Variants in STK3 observed in about 807,000 individuals in gnomAD.
The protein encoded by STK3 is serine/threonine-protein kinase 3.
STK3 carries 41 observed loss-of-function variants against 58.0 expected under a neutral mutation model. The observed-to-expected ratio is 0.71, with a 90% CI of 0.55 to 0.92. The LOEUF is 0.92. STK3 is among the 40% of genes least tolerant of loss of function. The probability of loss-of-function intolerance (pLI) is 0.00; values close to 1 mark genes in which losing one functional copy is unlikely to be tolerated. For synonymous variants in STK3, 170 were observed against 191.0 expected (o/e 0.89, Z 0.91); for missense variants, 479 against 602.7 (o/e 0.79, Z 2.15).
intron 10 of STK3, among the ~76,000 whole-genome samples, chr8:98,482,795 C>T (rs1180042872): frequency 3.3e-5 from 5 of 152,006 alleles, no homozygotes; most frequent in African/African-American, 1.2e-4. Context: ...TTGTGAGGTG[C>T]CGTATTTCTA....
At chr8:98,794,389 A>C (rs1253633939) in intron 1 of STK3, among the ~76,000 whole-genome samples, 1 of 152,166 alleles carries the variant, frequency 6.6e-6, no homozygotes, top group Non-Finnish European at 1.5e-5. Context: ...AATTATGAAC[A>C]CTCCTATTTA....
Position 98,428,260 on chromosome 8 carries a change from C to G in STK3, n.483+5867G>C. On this transcript the variant is annotated intron_variant and non_coding_transcript_variant, in intron 3 of 3. Coordinates refer to the STK3 transcript ENST00000517832. This position sits in a 1 kb window ranked among gnomAD's most constrained non-coding sequence, Gnocchi z 6.7. The stretch of plus-strand genomic sequence containing the variant: ...CACACCGGCAAGCTTCACGTCATGG[C>G]TGAGCTATGTGTCTTCTCCTTCAGC... 1.2e-6 allele frequency: 2 copies of G among 1,614,152 alleles called. No homozygotes were observed. Among genetic ancestry groups the G allele is most frequent in the Non-Finnish European group, 1.7e-6 (2 of 1,180,032 alleles).
intron 7 of STK3, chr8:98,594,735 A>T (rs1686530147): frequency 6.6e-6 from 1 of 152,242 alleles, no homozygotes; most frequent in Admixed American, 6.5e-5. Context: ...ATAAAATTTT[A>T]CCATCTTAAC....
upstream of STK3, among the ~76,000 whole-genome samples, chr8:98,828,444 A>AG (rs1237351995): frequency 2.6e-4 from 38 of 147,070 alleles, no homozygotes; most frequent in African/African-American, 9.1e-4. Context: ...CTACAAAAAA[A>AG]AAAAAAAAAA....
At chr8:98,758,453 G>A (rs759369206) in intron 3 of STK3, among the ~76,000 whole-genome samples, 12 of 152,174 alleles carry the variant, frequency 7.9e-5, no homozygotes, top group African/African-American at 1.2e-4. Context: ...AATCCACCAC[G>A]ATCAAGTAGG....
chr8:98,867,672 G>A (rs1044061447), intron 3 of STK3, among the ~76,000 whole-genome samples: 2 of 152,124 alleles, frequency 1.3e-5, no homozygotes, highest in African/African-American at 4.8e-5. Flanking sequence ...AGTCTCTGGA[G>A]CTACCCTAAC....
intron 6 of STK3, among the ~76,000 whole-genome samples, chr8:98,617,358 C>A (rs1251390312): frequency 2.1e-5 from 3 of 139,718 alleles, no homozygotes; most frequent in Non-Finnish European, 4.7e-5. Context: ...CAAGAGAAAG[C>A]AGGAAAGATC....
At chr8:98,697,722 A>G (rs913612876) in intron 6 of STK3, among the ~76,000 whole-genome samples, 42 of 152,128 alleles carry the variant, frequency 2.8e-4, no homozygotes, top group Non-Finnish European at 7.4e-5. Flanking sequence ...AGTTTGAGAG[A>G]CAGTTTGTTA....
At chr8:98,661,382 T>C (rs541579875) in intron 6 of STK3, among the ~76,000 whole-genome samples, 1 of 152,246 alleles carries the variant, frequency 6.6e-6, no homozygotes, top group African/African-American at 2.4e-5. Context: ...CATCTTATTT[T>C]ACCTCTTTTA....
At chr8:98,719,014 A>G (rs370103685) in intron 4 of STK3, among the ~76,000 whole-genome samples, 254 of 152,302 alleles carry the variant, frequency 1.7e-3, no homozygotes, top group African/African-American at 5.8e-3. Flanking sequence ...ATGAATGGGT[A>G]CAGACTTGTC....
chr8:98,699,900 A>G (rs977377674), intron 6 of STK3, among the ~76,000 whole-genome samples: 20 of 152,200 alleles, frequency 1.3e-4, no homozygotes, highest in Non-Finnish European at 2.9e-5. Context: ...CAAAGCTGTC[A>G]GACAGGGACA....
At chr8:98,939,378 C>T (rs931005571) in intron 1 of STK3, among the ~76,000 whole-genome samples, 1 of 152,354 alleles carries the variant, frequency 6.6e-6, no homozygotes, top group Middle Eastern at 3.4e-3. Context: ...GCCCCACTCC[C>T]AGTTTCTGAC....
intron 10 of STK3, among the ~76,000 whole-genome samples, chr8:98,510,175 A>G (rs1353271094): frequency 1.3e-5 from 2 of 152,124 alleles, no homozygotes; most frequent in Non-Finnish European, 2.9e-5. Flanking sequence ...GGATTTCTGT[A>G]AAGAAGAATT....
At chr8:98,499,448 T>G (rs999791176) in intron 10 of STK3, among the ~76,000 whole-genome samples, 1 of 152,166 alleles carries the variant, frequency 6.6e-6, no homozygotes, top group Non-Finnish European at 1.5e-5. Context: ...GAAAGTGGCT[T>G]TGGACTTGAC....
At chr8:98,493,232 CAAAA>C (rs58987455) in intron 10 of STK3, among the ~76,000 whole-genome samples, 5 of 120,228 alleles carry the variant, frequency 4.2e-5, no homozygotes, top group Admixed American at 8.3e-5. Flanking sequence ...GACCCTGTCT[CAAAA>C]AAAAAAAAAA....
chr8:98,603,381 T>A (rs1816515704), intron 6 of STK3: 1 of 152,038 alleles, frequency 6.6e-6, no homozygotes, highest in African/African-American at 2.4e-5. Flanking sequence ...GGATTACAGG[T>A]GCCCGCCACC....
chr8:98,512,150 T>C (rs920644871), intron 10 of STK3, among the ~76,000 whole-genome samples: 5 of 151,850 alleles, frequency 3.3e-5, no homozygotes, highest in African/African-American at 1.2e-4. Context: ...GGCTCCGGAT[T>C]GTGATGTTCC....
chr8:98,399,719 G>A (rs77715092), downstream of STK3, among the ~76,000 whole-genome samples: 3,064 of 152,230 alleles, frequency 0.02, 97 homozygotes, highest in African/African-American at 0.07. Flanking sequence ...ATGAATTGCC[G>A]ATCTACTGCC....
chr8:98,661,669 T>C (rs1821975072), intron 6 of STK3, among the ~76,000 whole-genome samples: 1 of 152,140 alleles, frequency 6.6e-6, no homozygotes, highest in African/African-American at 2.4e-5. Flanking sequence ...GGTCAGGACA[T>C]GACCACTACC....
Sources: gnomAD v4.1 joint callset for allele counts (sites outside exome capture counted in the v4.1 genomes callset) on GRCh38, gnomAD v4.1.1 for gene constraint, Gnocchi (gnomAD v3.1) non-coding constraint, MANE v1.5 for transcripts, NCBI Gene and HGNC (gene_info 2026-07-23, HGNC 2026-07-21) for gene names.